EDNRB: variants seen among roughly 807,000 people sequenced by gnomAD.
EDNRB encodes Hirschsprung disease 2.
EDNRB carries 18 observed loss-of-function variants against 46.4 expected under a neutral mutation model. The observed-to-expected ratio is 0.39, with a 90% confidence interval of 0.27 to 0.57. The LOEUF is 0.57. EDNRB is among the 20% of genes least tolerant of loss of function. The pLI, the probability that EDNRB is intolerant of heterozygous loss-of-function variation, is 0.61. For synonymous variants in EDNRB, 213 were observed against 204.9 expected (o/e 1.04, Z -0.34); for missense variants, 434 against 537.5 (o/e 0.81, Z 1.90).
intron 1 of EDNRB, among the ~76,000 whole-genome samples, chr13:77,937,222 C>T (rs947612195): frequency 1.3e-5 from 2 of 152,120 alleles, no homozygotes; most frequent in Non-Finnish European, 2.9e-5. Flanking sequence ...TTGTAAGCTG[C>T]CTTTTTAAGC....
intron 1 of EDNRB, among the ~76,000 whole-genome samples, chr13:77,963,873 T>A (rs904924528): frequency 6.6e-6 from 1 of 152,198 alleles, no homozygotes; most frequent in Admixed American, 6.5e-5. Context: ...CCTACTCATC[T>A]GACAAAGGGC....
chr13:77,902,247 G>A (rs975278689), intron 3 of EDNRB, among the ~76,000 whole-genome samples: 2 of 151,878 alleles, frequency 1.3e-5, no homozygotes, highest in Non-Finnish European at 2.9e-5. Context: ...GACAACTACT[G>A]GGCTATCTTG....
chr13:77,912,630 A>G (rs752990285), intron 1 of EDNRB, among the ~76,000 whole-genome samples: 29 of 152,274 alleles, frequency 1.9e-4, no homozygotes, highest in Non-Finnish European at 3.5e-4. Context: ...CCACTATGAT[A>G]GATGGGTGTC....
At chr13:77,925,621 G>A (rs916354006) in intron 1 of EDNRB, among the ~76,000 whole-genome samples, 1 of 152,224 alleles carries the variant, frequency 6.6e-6, no homozygotes, top group Admixed American at 6.5e-5. Context: ...TTCAGAAGAC[G>A]TGTGGAAACG....
At chr13:77,944,481 A>G (rs1880845252) in intron 1 of EDNRB, among the ~76,000 whole-genome samples, 1 of 151,920 alleles carries the variant, frequency 6.6e-6, no homozygotes, top group African/African-American at 2.4e-5. Context: ...TTTTTTAACC[A>G]TGTATAGGCA....
At chr13:77,903,048 A>C in intron 3 of EDNRB, 108 bp downstream of exon 3, 1 of 1,188,164 alleles carries the variant, frequency 8.4e-7, no homozygotes, top group Non-Finnish European at 1.2e-6. Context: ...AATTTATGCC[A>C]AGGACAGTCA....
chr13:77,970,635 G>A (rs1191440319), intron 1 of EDNRB, among the ~76,000 whole-genome samples: 1 of 151,790 alleles, frequency 6.6e-6, no homozygotes, highest in East Asian at 1.9e-4. Context: ...TGTTGTTTAT[G>A]AGCCCTCACC....
chr13:77,934,174 G>C (rs1477448454), intron 1 of EDNRB, among the ~76,000 whole-genome samples: 1 of 152,162 alleles, frequency 6.6e-6, no homozygotes, highest in Non-Finnish European at 1.5e-5. Context: ...ATAGGAGTAT[G>C]ACTAGAGAGA....
intron 1 of EDNRB, among the ~76,000 whole-genome samples, chr13:77,949,813 C>T (rs769261491): frequency 3.9e-5 from 6 of 152,204 alleles, no homozygotes; most frequent in Middle Eastern, 6.8e-3. Flanking sequence ...AACTAAATGC[C>T]CTTGAAACAA....
In EDNRB at chr13:77,896,850, A is replaced by G; in HGVS notation, c.*1350T>C. ...CAAGCTATCCTAAGGCACTTTGCTT[A>G]GAAGATATAAAAATTAGGCAGGAAC... On this transcript the variant is annotated 3_prime_UTR_variant, in exon 7 of 7. Coordinates refer to ENST00000646607, the MANE Select transcript of EDNRB (RefSeq NM_001122659.3). 9.5e-7 allele frequency: 1 copy of G among 1,051,590 alleles called. No homozygotes were observed. The highest frequency in any genetic ancestry group is 1.1e-6 in the Non-Finnish European group (1 of 873,970). The allele number at this position is 1,051,590 out of a possible 1,614,324, so 65.1% of individuals were successfully genotyped here.
At chr13:77,930,894 ACTAT>A (rs57835148) in intron 1 of EDNRB, among the ~76,000 whole-genome samples, 30,820 of 151,860 alleles carry the variant, frequency 0.2, 3,633 homozygotes, top group East Asian at 0.53. Context: ...AATTTGTAGC[ACTAT>A]CTATTTTATG....
chr13:77,959,390 C>T (rs1435756320), intron 1 of EDNRB, among the ~76,000 whole-genome samples: 10 of 152,216 alleles, frequency 6.6e-5, no homozygotes, highest in Admixed American at 2.0e-4. Context: ...CAGCAATATT[C>T]GCTGTTCTGC....
At position 77,918,728 on chromosome 13, in the gene EDNRB, G is replaced by A. The variant is rs1332942216; in HGVS notation, c.-155C>T. On this transcript the variant is annotated 5_prime_UTR_variant, in exon 1 of 7. Coordinates refer to ENST00000646607, the MANE Select transcript of EDNRB (RefSeq NM_001122659.3). This position sits in a 1 kb window ranked among gnomAD's most constrained non-coding sequence, Gnocchi z 4.5. ...CCGCAGCCTCTTCGCCAGTATCCAC[G>A]CTCAAAAGTAACTCAAGTTTGCGCG... The A allele has an allele frequency of 2.2e-6, 3 of 1,339,640 alleles. No individual in the cohort carries two copies. Among genetic ancestry groups the A allele is most frequent in the African/African-American group, 1.5e-5 (1 of 66,596 alleles). The allele number at this position is 1,339,640 out of a possible 1,614,324, so 83.0% of individuals were successfully genotyped here.
chr13:77,896,456 T>G lies in EDNRB; in HGVS notation c.*1744A>C. 6.4e-7 allele frequency: 1 copy of G among 1,568,966 alleles called. No homozygotes were observed. The highest frequency in any genetic ancestry group is 8.7e-7 in the Non-Finnish European group (1 of 1,155,118). On this transcript the variant is annotated 3_prime_UTR_variant, in exon 7 of 7. Transcript: ENST00000646607. ...TGGTGTGTGAATTAATTATTATTGC[T>G]CTTTCTTTCTGGCCACATTGTTGGG...
intron 1 of EDNRB, among the ~76,000 whole-genome samples, chr13:77,959,369 C>T (rs1881335485): frequency 6.6e-6 from 1 of 152,212 alleles, no homozygotes; most frequent in African/African-American, 2.4e-5. Context: ...CAGGCAGCAA[C>T]ATTTGCTGTT....
In EDNRB at chr13:77,975,500, C is replaced by T. The variant is rs12720104; in HGVS notation, c.-205G>A. 0.014 allele frequency: 2,192 copies of T among 152,486 alleles called. 45 individuals carry two copies. Among genetic ancestry groups the T allele is most frequent in the East Asian group, 0.025 (127 of 5,180 alleles). 9.4% of individuals were successfully genotyped at this position (152,486 alleles called of 1,614,324 possible). A position where few individuals can be genotyped will look rare whatever the true frequency, so the allele number is the denominator to read the frequency against. ...GAGTGCTCTCAGGATCCACGTTGCT[C>T]GGGCTGGCCAGAGTCCCCCACCGGA... On this transcript the variant is annotated 5_prime_UTR_variant, in exon 1 of 8. Transcript: ENST00000646948.
At chr13:77,925,269 G>A (rs946612548) in intron 1 of EDNRB, among the ~76,000 whole-genome samples, 3 of 152,306 alleles carry the variant, frequency 2.0e-5, no homozygotes, top group South Asian at 4.1e-4. Context: ...CCCACTGTTT[G>A]TATATGCCAC....
intron 1 of EDNRB, among the ~76,000 whole-genome samples, chr13:77,934,403 C>G (rs958967067): frequency 6.6e-6 from 1 of 152,048 alleles, no homozygotes; most frequent in African/African-American, 2.4e-5. Context: ...CTGGATACTA[C>G]GAGCCTGAAA....
intron 1 of EDNRB, among the ~76,000 whole-genome samples, chr13:77,907,442 C>A (rs1238245334): frequency 6.6e-6 from 1 of 151,862 alleles, no homozygotes; most frequent in Admixed American, 6.6e-5. Flanking sequence ...TTGCAAATGG[C>A]CAATTATGGG....
Sources: gnomAD v4.1 joint callset for allele counts (sites outside exome capture counted in the v4.1 genomes callset) on GRCh38, gnomAD v4.1.1 for gene constraint, Gnocchi (gnomAD v3.1) non-coding constraint, MANE v1.5 for transcripts, NCBI Gene and HGNC (gene_info 2026-07-23, HGNC 2026-07-21) for gene names.